The following TJP1 variants were observed in gnomAD, a reference collection of about 807,000 sequenced individuals.
TJP1 encodes the protein tight junction protein 1, also known as tight junction protein ZO-1.
TJP1 carries 43 observed loss-of-function variants against 194.2 expected under a neutral mutation model. The ratio of observed to expected loss-of-function variants is 0.22; its 90% CI spans 0.17 to 0.29. The LOEUF is 0.29. Ranked by LOEUF, TJP1 falls within the 10% of genes least tolerant of loss-of-function variation. The pLI is 1.00. For missense variants in TJP1, 1,971 were observed against 2,185.7 expected, an observed-to-expected ratio of 0.90 and a Z score of 1.96; for synonymous variants, 801 against 779.0, an observed-to-expected ratio of 1.03 and a Z score of -0.47.
chr15:29,822,056 C>G lies in TJP1; in HGVS notation c.-28G>C, dbSNP rs868312670. The stretch of plus-strand genomic sequence containing the variant: ...TGTCTCTCTCCAGCGCCGCGCGAGG[C>G]TCCTCGGACCCGAAACTCCGCGGCG... On this transcript the variant is annotated 5_prime_UTR_variant, in exon 1 of 28. Transcript: ENST00000614355. The G allele has an allele frequency of 8.6e-6, 11 of 1,285,688 alleles. No individual in the cohort carries two copies. In the Admixed American group the frequency reaches 1.1e-4, roughly 13 times the overall value. The allele number at this position is 1,285,688 out of a possible 1,614,324, so 79.6% of individuals were successfully genotyped here. A position where few individuals can be genotyped will look rare whatever the true frequency, so the allele number is the denominator to read the frequency against.
At chr15:29,895,891 A>C (rs2053461108) in intron 2 of TJP1, among the ~76,000 whole-genome samples, 1 of 152,194 alleles carries the variant, frequency 6.6e-6, no homozygotes, top group African/African-American at 2.4e-5. Flanking sequence ...GTCCAAATTC[A>C]AGGTGTCAGT....
chr15:29,933,902 G>A (rs1180651071), intron 2 of TJP1, among the ~76,000 whole-genome samples: 5 of 152,132 alleles, frequency 3.3e-5, no homozygotes, highest in Non-Finnish European at 4.4e-5. Context: ...TCAAGCTGAA[G>A]AGGACAGGAG....
At chr15:29,820,498 C>G (rs765807679) in intron 1 of TJP1, 1 of 716,390 alleles carries the variant, frequency 1.4e-6, no homozygotes, top group Middle Eastern at 2.3e-4. Flanking sequence ...AATCTCAATA[C>G]TATAATTCAG....
rs1413447789 is a variant in TJP1, at chr15:29,849,760, A to AG, written c.307-49059_307-49058insC. On this transcript the variant is annotated intron_variant, in intron 2 of 28. Coordinates refer to the TJP1 transcript ENST00000356107. ...GACTCCGTCTCAAAAAAAAAAAAAA[A>AG]AGAGACAAGGTCTCATATTGTCCAG... Among the ~76,000 whole-genome samples, 1,038 of 151,046 alleles carry AG rather than the reference A, an allele frequency of 6.9e-3. 4 individuals are homozygous for AG. Among genetic ancestry groups the AG allele is most frequent in the African/African-American group, 0.023 (961 of 41,056 alleles).
chr15:29,849,483 AATCCC>A (rs988097435), intron 2 of TJP1, among the ~76,000 whole-genome samples: 8 of 151,778 alleles, frequency 5.3e-5, no homozygotes, highest in African/African-American at 1.9e-4. Context: ...TCATACCTGT[AATCCC>A]AACATTTTGG....
chr15:29,802,499 T>C (rs2048852242), intron 1 of TJP1, among the ~76,000 whole-genome samples: 1 of 151,850 alleles, frequency 6.6e-6, no homozygotes, highest in Admixed American at 6.6e-5. Context: ...CTCACCAGCA[T>C]TTGTTTCAAT....
At chr15:29,923,178 C>G (rs1243187915) in intron 2 of TJP1, among the ~76,000 whole-genome samples, 1 of 152,130 alleles carries the variant, frequency 6.6e-6, no homozygotes, top group Non-Finnish European at 1.5e-5. Context: ...AATTCACCCA[C>G]AAAAGACAAT....
At chr15:29,778,529 C>T (rs1351296664) in intron 2 of TJP1, among the ~76,000 whole-genome samples, 1 of 152,120 alleles carries the variant, frequency 6.6e-6, no homozygotes, top group Non-Finnish European at 1.5e-5. Flanking sequence ...CACTGCACTA[C>T]AAGTGTTGGC....
At chr15:29,843,585 A>C (rs1469937101) in intron 2 of TJP1, among the ~76,000 whole-genome samples, 2 of 152,240 alleles carry the variant, frequency 1.3e-5, no homozygotes, top group Non-Finnish European at 2.9e-5. Flanking sequence ...AATTTTCAGC[A>C]GTAAGGAACA....
At chr15:29,739,667 A>G (rs991359136) in intron 10 of TJP1, among the ~76,000 whole-genome samples, 1 of 151,916 alleles carries the variant, frequency 6.6e-6, no homozygotes, top group Non-Finnish European at 1.5e-5. Context: ...GGATGGTCTC[A>G]ATCTCCTGAC....
At chr15:29,816,435 A>G (rs2049929481) in intron 1 of TJP1, among the ~76,000 whole-genome samples, 1 of 152,224 alleles carries the variant, frequency 6.6e-6, no homozygotes, top group Non-Finnish European at 1.5e-5. Flanking sequence ...AAACAAATGT[A>G]AGAGTTGTAA....
chr15:29,758,348 A>G (rs1317306582), intron 8 of TJP1, among the ~76,000 whole-genome samples: 1 of 152,064 alleles, frequency 6.6e-6, no homozygotes, highest in Non-Finnish European at 1.5e-5. Context: ...AAAAGCTCCC[A>G]TATTACTGGT....
intron 2 of TJP1, among the ~76,000 whole-genome samples, chr15:29,887,090 G>A (rs1262728202): frequency 6.6e-6 from 1 of 151,746 alleles, no homozygotes; most frequent in Non-Finnish European, 1.5e-5. Context: ...TTCAGAAGAT[G>A]CCACAAATCC....
At position 29,898,364 on chromosome 15, in the gene TJP1, CCT is replaced by C. The variant is rs573325001; in HGVS notation, c.306+57866_306+57867del. ...CACGTGGAACTGTAAGTCCAATAAA[CCT>C]CTTTCTTTCCTAAATTGCCCAGTCT... On this transcript the variant is annotated intron_variant, in intron 2 of 28. Coordinates refer to the TJP1 transcript ENST00000356107. Among the ~76,000 whole-genome samples the C allele has an allele frequency of 3.3e-5, 5 of 152,292 alleles. No individual in the cohort carries two copies. The South Asian group carries it at 1.0e-3, about 32-fold the overall frequency.
At chr15:29,861,404 T>C (rs2052075827) in intron 2 of TJP1, among the ~76,000 whole-genome samples, 1 of 152,318 alleles carries the variant, frequency 6.6e-6, no homozygotes, top group East Asian at 1.9e-4. Context: ...TTAACCCATT[T>C]ATGAGGGAGG....
chr15:29,778,097 C>T (rs982070167), intron 2 of TJP1, among the ~76,000 whole-genome samples: 1 of 152,018 alleles, frequency 6.6e-6, no homozygotes, highest in Non-Finnish European at 1.5e-5. Flanking sequence ...TGCGAGCATA[C>T]ATTTAAAAAA....
intron 8 of TJP1, among the ~76,000 whole-genome samples, chr15:29,754,584 A>T (rs1030906713): frequency 6.6e-6 from 1 of 152,204 alleles, no homozygotes; most frequent in East Asian, 1.9e-4. Flanking sequence ...AGAAAAAAAA[A>T]TGCTCATCAA....
intron 4 of TJP1, among the ~76,000 whole-genome samples, chr15:29,768,218 G>C (rs558384806): frequency 4.6e-5 from 7 of 152,192 alleles, no homozygotes; most frequent in Non-Finnish European, 1.0e-4. Flanking sequence ...TCAAGGATGA[G>C]AAACAGCAGA....
chr15:29,814,926 G>A (rs2049804459), intron 1 of TJP1, among the ~76,000 whole-genome samples: 1 of 152,096 alleles, frequency 6.6e-6, no homozygotes, highest in African/African-American at 2.4e-5. Flanking sequence ...TATATGACAG[G>A]GTTTTGTTAT....
Sources: gnomAD v4.1 joint callset for allele counts (sites outside exome capture counted in the v4.1 genomes callset) on GRCh38, gnomAD v4.1.1 for gene constraint, MANE v1.5 for transcripts, NCBI Gene and HGNC (gene_info 2026-07-23, HGNC 2026-07-21) for gene names.